CTSC: variants seen among roughly 807,000 people sequenced by gnomAD.
CTSC encodes cathepsin C, also known as dipeptidyl peptidase 1.
In CTSC, 37 loss-of-function variants were observed where a neutral mutation model predicts 40.9. The observed-to-expected ratio is 0.91, with a 90% CI of 0.70 to 1.19. The LOEUF (loss-of-function observed/expected upper bound fraction) is 1.19. Ranked by LOEUF, CTSC falls within the 50% of genes most tolerant of loss-of-function variation. CTSC has a pLI of 0.00. For synonymous variants in CTSC, 232 were observed against 207.4 expected (o/e 1.12, Z -1.02); for missense variants, 594 against 567.3 (o/e 1.05, Z -0.48).
At chr11:88,324,549 A>G (rs1210271483) in intron 2 of CTSC, 1 of 967,102 alleles carries the variant, frequency 1.0e-6, no homozygotes, top group African/African-American at 2.0e-5. Context: ...AAGTCTGCAA[A>G]AAGAAAAGAA....
At chr11:88,295,909 C>A (rs574156213) in intron 6 of CTSC, among the ~76,000 whole-genome samples, 1 of 152,244 alleles carries the variant, frequency 6.6e-6, no homozygotes, top group South Asian at 2.1e-4. Flanking sequence ...ATGTAACAAG[C>A]AGAGCTCACT....
Position 88,294,247 on chromosome 11 carries a change from T to C in CTSC, c.1151A>G (p.Lys384Arg), listed in dbSNP as rs1944273691. The C allele has an allele frequency of 1.2e-6, 2 of 1,613,896 alleles. No individual in the cohort carries two copies. The highest frequency in any genetic ancestry group is 2.2e-5 in the South Asian group (2 of 91,074). Reference protein sequence around the residue: ...FEVYDDFLHYKKGIYHHTGLR... With the variant: ...FEVYDDFLHYRKGIYHHTGLR... ...ACCAGTGTGGTGGTAGATCCCCTTT[T>C]TGTAGTGGAGGAAGTCATCATATAC... Residue 384 changes from lysine (K) to arginine (R), a missense_variant, in exon 7 of 7, where the codon AAA (lysine) becomes AGA (arginine). Coordinates refer to ENST00000227266, the MANE Select transcript of CTSC (RefSeq NM_001814.6).
intron 2 of CTSC, among the ~76,000 whole-genome samples, chr11:88,333,773 A>G (rs755436639): frequency 2.8e-4 from 43 of 152,218 alleles, no homozygotes; most frequent in Middle Eastern, 3.2e-3. Context: ...GTTTCCACTA[A>G]TTCAGTGGAC....
chr11:88,335,334 T>A (rs1013802118), intron 1 of CTSC, among the ~76,000 whole-genome samples: 12 of 152,026 alleles, frequency 7.9e-5, no homozygotes, highest in African/African-American at 2.9e-4. Context: ...ACGCCTGTAA[T>A]CCTAGCACTT....
At chr11:88,315,521 T>C (rs527716812) in intron 2 of CTSC, among the ~76,000 whole-genome samples, 4 of 152,174 alleles carry the variant, frequency 2.6e-5, no homozygotes, top group Non-Finnish European at 5.9e-5. Flanking sequence ...ATAAATATAG[T>C]TTTACTGGAG....
At position 88,294,244 on chromosome 11, in the gene CTSC, T is replaced by C; in HGVS notation, c.1154A>G (p.Lys385Arg). Reference protein sequence around the residue: ...EVYDDFLHYKKGIYHHTGLRD... With the variant: ...EVYDDFLHYKRGIYHHTGLRD... ...TAGACCAGTGTGGTGGTAGATCCCC[T>C]TTTTGTAGTGGAGGAAGTCATCATA... is the stretch of plus-strand genomic sequence containing the variant. Residue 385 changes from lysine (K) to arginine (R), a missense_variant, in exon 7 of 7, where the codon AAG (lysine) becomes AGG (arginine). By Grantham distance (26) the Lys-to-Arg change is conservative. Transcript: ENST00000227266. 1 of 1,614,054 alleles carries C rather than the reference T, an allele frequency of 6.2e-7. No homozygotes were observed. The highest frequency in any genetic ancestry group is 8.5e-7 in the Non-Finnish European group (1 of 1,180,014).
intron 2 of CTSC, chr11:88,323,679 G>C (rs1348349264): frequency 6.6e-6 from 1 of 151,978 alleles, no homozygotes; most frequent in African/African-American, 2.4e-5. Flanking sequence ...AATAGCTACA[G>C]AGAGAATAAA....
intron 3 of CTSC, 50 bp from the exon 4 acceptor site, chr11:88,309,368 T>C (rs893310788): frequency 3.0e-5 from 45 of 1,487,042 alleles, no homozygotes; most frequent in Non-Finnish European, 3.6e-5. Context: ...CTGATGTAAA[T>C]AGAGTAATTA....
At position 88,337,514 on chromosome 11, in the gene CTSC, G is replaced by C. The variant is rs1857833438; in HGVS notation, c.159C>G (p.Asn53Lys). The change falls in exon 1 of 7, where the codon AAC (asparagine) becomes AAG (lysine). Residue 53 changes from asparagine to lysine, a missense_variant. Asn to Lys is a moderately conservative substitution (Grantham distance 94). Transcript: ENST00000227266. ...VGSSGSQRDV[N>K]CSVMGPQEKK... ...CCGGCGGCTTACCCATAACCGAGCA[G>C]TTGACATCGCGCTGGGAACCGCTGG... 6.3e-7 allele frequency: 1 copy of C among 1,574,836 alleles called. No individual in the cohort carries two copies. The highest frequency in any genetic ancestry group is 1.4e-5 in the African/African-American group (1 of 73,966).
intron 2 of CTSC, among the ~76,000 whole-genome samples, chr11:88,334,361 T>TGA (rs1460107608): frequency 6.6e-6 from 1 of 152,250 alleles, no homozygotes; most frequent in Non-Finnish European, 1.5e-5. Context: ...TCTTTCCTAA[T>TGA]GAGAGAAGGA....
chr11:88,336,842 G>A (rs1458973370), intron 1 of CTSC, among the ~76,000 whole-genome samples: 1 of 152,160 alleles, frequency 6.6e-6, no homozygotes, highest in African/African-American at 2.4e-5. Context: ...TCAAACACTA[G>A]GTATTTATTG....
chr11:88,317,407 T>C (rs1354430770), intron 2 of CTSC, among the ~76,000 whole-genome samples: 1 of 152,158 alleles, frequency 6.6e-6, no homozygotes, highest in Admixed American at 6.5e-5. Context: ...TTATTTTCCC[T>C]TTTAAAATTT....
chr11:88,300,621 A>G lies in CTSC; in HGVS notation c.666T>C (p.Ala222=), dbSNP rs147642061. The change falls in exon 5 of 7, where the codon GCT becomes GCC. Residue 222 remains alanine, a synonymous_variant. Coordinates refer to ENST00000227266, the MANE Select transcript of CTSC (RefSeq NM_001814.6). ...AATGCAAAATCTTTTGCTGTATTTC[A>G]GCAGTCAGTGGTGCAGGTTTGGGCC... ...IPRPKPAPLT[A]EIQQKILHLP... 6.8e-6 allele frequency: 11 copies of G among 1,613,220 alleles called. No individual in the cohort carries two copies. The African/African-American group carries it at 1.3e-4, about 20-fold the overall frequency.
chr11:88,337,721 G>A lies in CTSC; in HGVS notation c.-49C>T, dbSNP rs779871521. The A allele has an allele frequency of 3.5e-5, 54 of 1,547,204 alleles. No homozygotes were observed. Among genetic ancestry groups the A allele is most frequent in the Non-Finnish European group, 6.1e-6 (7 of 1,144,862 alleles). On this transcript the variant is annotated 5_prime_UTR_variant, in exon 1 of 7. Coordinates refer to ENST00000227266, the MANE Select transcript of CTSC (RefSeq NM_001814.6). ...GTGAAGAATTACCAGGAAGCCGAGC[G>A]CTGCGGGCTAGCGGTGAGTCCACCA... is the stretch of plus-strand genomic sequence containing the variant.
intron 4 of CTSC, among the ~76,000 whole-genome samples, chr11:88,306,105 C>T (rs1937628881): frequency 6.6e-6 from 1 of 152,198 alleles, no homozygotes; most frequent in Non-Finnish European, 1.5e-5. Flanking sequence ...TAGAGCATTT[C>T]ACAGACAAGA....
rs183563815 is a variant in CTSC, at chr11:88,326,152, A to C, written c.318+8785T>G. On this transcript the variant is annotated intron_variant, in intron 2 of 6. Coordinates refer to ENST00000227266, the MANE Select transcript of CTSC (RefSeq NM_001814.6). ...GCCACCCAAGATTTTGCATCTTCAGAATTTTTTTTTCCTTTCTCCTGTGTA... is the reference window on the plus strand; with the variant it reads ...GCCACCCAAGATTTTGCATCTTCAGCATTTTTTTTTCCTTTCTCCTGTGTA... The C allele has an allele frequency of 3.8e-5, 50 of 1,310,982 alleles. No individual in the cohort carries two copies. In the African/African-American group the frequency reaches 6.6e-4, roughly 17 times the overall value. 81.2% of individuals were successfully genotyped at this position (1,310,982 alleles called of 1,614,324 possible).
intron 2 of CTSC, 26 bp downstream of exon 2, chr11:88,334,911 T>G: frequency 6.4e-7 from 1 of 1,562,458 alleles, no homozygotes; most frequent in South Asian, 1.1e-5. Flanking sequence ...ATTGAAAATG[T>G]AAATCCAACT....
chr11:88,313,441 T>G (rs567106019), intron 2 of CTSC, among the ~76,000 whole-genome samples: 95 of 152,238 alleles, frequency 6.2e-4, no homozygotes, highest in Non-Finnish European at 1.1e-3. Context: ...ACCTGAGTAT[T>G]AAATATATTC....
At chr11:88,321,227 G>A (rs760453274) in intron 2 of CTSC, 9 of 170,826 alleles carry the variant, frequency 5.3e-5, no homozygotes, top group Non-Finnish European at 1.1e-4. Flanking sequence ...GTGGTTTCCT[G>A]CACCTATCAA....
Sources: gnomAD v4.1 joint callset for allele counts (sites outside exome capture counted in the v4.1 genomes callset) on GRCh38, gnomAD v4.1.1 for gene constraint, MANE v1.5 for transcripts, NCBI Gene and HGNC (gene_info 2026-07-23, HGNC 2026-07-21) for gene names.